Variants in NBEA observed in about 807,000 individuals in gnomAD.
The protein encoded by NBEA is neurobeachin.
In NBEA, 44 loss-of-function variants were observed where a neutral mutation model predicts 343.4. That is an observed-to-expected ratio of 0.13 (90% CI 0.10 to 0.16). The LOEUF is 0.16. NBEA is among the 10% of genes least tolerant of loss of function. NBEA has a pLI of 1.00. For synonymous variants in NBEA, 1,175 were observed against 1,238.7 expected (o/e 0.95, Z 1.08); for missense variants, 2,555 against 3,631.3 (o/e 0.70, Z 7.62).
intron 36 of NBEA, among the ~76,000 whole-genome samples, chr13:35,321,338 A>T (rs140356387): frequency 1.3e-3 from 201 of 152,210 alleles, no homozygotes; most frequent in African/African-American, 4.7e-3. Context: ...TTTCCTTCTA[A>T]GAGTCAGACT....
At chr13:34,960,532 A>G (rs1365724270) in intron 1 of NBEA, among the ~76,000 whole-genome samples, 1 of 152,054 alleles carries the variant, frequency 6.6e-6, no homozygotes, top group African/African-American at 2.4e-5. Flanking sequence ...ACCCAGAGCA[A>G]CTTCCAGTCT....
chr13:35,548,126 C>T (rs527442219), intron 41 of NBEA, among the ~76,000 whole-genome samples: 1 of 152,090 alleles, frequency 6.6e-6, no homozygotes, highest in Non-Finnish European at 1.5e-5. Context: ...AGTGCCCTTT[C>T]CTGACAAAGT....
intron 10 of NBEA, among the ~76,000 whole-genome samples, chr13:35,087,835 C>A (rs1425393112): frequency 1.3e-5 from 2 of 151,814 alleles, no homozygotes; most frequent in African/African-American, 4.8e-5. Context: ...AACCAGAGAA[C>A]CTTGTAGACT....
At chr13:35,091,811 G>T (rs2065093894) in intron 10 of NBEA, among the ~76,000 whole-genome samples, 1 of 151,992 alleles carries the variant, frequency 6.6e-6, no homozygotes, top group African/African-American at 2.4e-5. Context: ...TAAGTTTAGG[G>T]CTATATCATA....
chr13:35,573,288 C>G (rs749166003), intron 45 of NBEA, among the ~76,000 whole-genome samples: 7 of 152,158 alleles, frequency 4.6e-5, no homozygotes, highest in Non-Finnish European at 8.8e-5. Flanking sequence ...TTATTGCCAA[C>G]CTACTCTGTG....
intron 47 of NBEA, among the ~76,000 whole-genome samples, chr13:35,603,880 T>C (rs1406360348): frequency 6.6e-6 from 1 of 152,230 alleles, no homozygotes; most frequent in Non-Finnish European, 1.5e-5. Context: ...AGCAATAGTC[T>C]TTGCCTTCTC....
intron 35 of NBEA, among the ~76,000 whole-genome samples, chr13:35,304,417 C>T (rs2244629): frequency 0.17 from 25,731 of 151,552 alleles, 2,587 homozygotes; most frequent in African/African-American, 0.28. Flanking sequence ...TGCATTGGCG[C>T]GGTATTGGCT....
At chr13:35,439,804 A>G (rs922997607) in intron 39 of NBEA, among the ~76,000 whole-genome samples, 24 of 152,194 alleles carry the variant, frequency 1.6e-4, no homozygotes, top group Admixed American at 7.2e-4. Flanking sequence ...TCTATTTGGA[A>G]CATTCACATT....
chr13:35,570,559 AG>A (rs1440673059), intron 45 of NBEA, among the ~76,000 whole-genome samples: 6 of 152,236 alleles, frequency 3.9e-5, no homozygotes, highest in African/African-American at 1.4e-4. Flanking sequence ...CTTAAAAGAT[AG>A]GTAGCTTTTC....
intron 48 of NBEA, among the ~76,000 whole-genome samples, chr13:35,619,702 C>T (rs1185747771): frequency 6.6e-6 from 1 of 152,166 alleles, no homozygotes; most frequent in African/African-American, 2.4e-5. Context: ...GTCTGCCATA[C>T]AGGGTCTTTC....
At chr13:35,405,644 A>C (rs569162388) in intron 38 of NBEA, among the ~76,000 whole-genome samples, 3 of 152,164 alleles carry the variant, frequency 2.0e-5, no homozygotes, top group African/African-American at 4.8e-5. Context: ...ACGTAGTTTC[A>C]AAAACAATTG....
chr13:35,423,537 G>A (rs2044440636), intron 38 of NBEA, among the ~76,000 whole-genome samples: 1 of 152,168 alleles, frequency 6.6e-6, no homozygotes. Flanking sequence ...GTACCATGCT[G>A]TTTTGTTTAC....
chr13:35,188,043 C>G (rs1167606951), intron 30 of NBEA, among the ~76,000 whole-genome samples: 1 of 151,922 alleles, frequency 6.6e-6, no homozygotes, highest in Non-Finnish European at 1.5e-5. Context: ...CATTATTATT[C>G]TTTCTCATAT....
intron 41 of NBEA, among the ~76,000 whole-genome samples, chr13:35,486,813 G>A (rs146114925): frequency 1.2e-4 from 18 of 151,930 alleles, no homozygotes; most frequent in African/African-American, 3.9e-4. Flanking sequence ...AATTTTATAA[G>A]GATAATGTAT....
chr13:35,511,670 A>G (rs1325360979), intron 41 of NBEA, among the ~76,000 whole-genome samples: 3 of 152,174 alleles, frequency 2.0e-5, no homozygotes, highest in South Asian at 2.1e-4. Flanking sequence ...ATATACTGCT[A>G]TTAGTAAGGC....
intron 41 of NBEA, among the ~76,000 whole-genome samples, chr13:35,543,911 C>G (rs1254791331): frequency 6.6e-6 from 1 of 152,102 alleles, no homozygotes; most frequent in South Asian, 2.1e-4. Context: ...GAAGTCAAGC[C>G]TCTCCCAGTT....
chr13:35,067,211 A>G (rs1392980090), intron 8 of NBEA, among the ~76,000 whole-genome samples: 1 of 152,090 alleles, frequency 6.6e-6, no homozygotes, highest in Non-Finnish European at 1.5e-5. Flanking sequence ...ATTTTGTTAT[A>G]TTGATCTTCT....
At chr13:34,948,908 G>T (rs2059268272) in intron 1 of NBEA, among the ~76,000 whole-genome samples, 1 of 152,094 alleles carries the variant, frequency 6.6e-6, no homozygotes, top group Admixed American at 6.6e-5. Flanking sequence ...CCTTTCCAAG[G>T]CAGAGAGGCT....
chr13:35,280,135 G>A (rs1412933151), intron 34 of NBEA, among the ~76,000 whole-genome samples: 1 of 151,938 alleles, frequency 6.6e-6, no homozygotes, highest in African/African-American at 2.4e-5. Context: ...GTACTCAGTA[G>A]GATTGTTCTA....
Sources: gnomAD v4.1 joint callset for allele counts (sites outside exome capture counted in the v4.1 genomes callset) on GRCh38, gnomAD v4.1.1 for gene constraint, MANE v1.5 for transcripts, NCBI Gene and HGNC (gene_info 2026-07-23, HGNC 2026-07-21) for gene names.